Variants in AKAP3 observed in about 807,000 individuals in gnomAD.
The protein encoded by AKAP3 is A-kinase anchoring protein 3.
A neutral mutation model predicts 57.2 loss-of-function variants in AKAP3; 27 were observed. The ratio of observed to expected loss-of-function variants is 0.47; its 90% CI spans 0.35 to 0.65. AKAP3 has a LOEUF of 0.65. Ranked by LOEUF, AKAP3 falls within the 30% of genes least tolerant of loss-of-function variation. AKAP3 has a pLI of 0.01. For synonymous variants in AKAP3, 334 were observed against 392.3 expected (o/e 0.85, Z 1.76); for missense variants, 959 against 1,040.0 (o/e 0.92, Z 1.07).
At chr12:4,633,532 T>G (rs2137440122) in intron 4 of AKAP3, among the ~76,000 whole-genome samples, 1 of 152,116 alleles carries the variant, frequency 6.6e-6, no homozygotes, top group East Asian at 1.9e-4. Context: ...ATCAATGCAG[T>G]CTATAACCAA....
At chr12:4,635,340 G>C (rs2011272) in intron 4 of AKAP3, 40,443 of 528,734 alleles carry the variant, frequency 0.076, 3,375 homozygotes, top group East Asian at 0.29. Context: ...CAAACTGGAG[G>C]TTGAGTTACT....
chr12:4,620,253 A>G (rs888516049), intron 5 of AKAP3, among the ~76,000 whole-genome samples: 10 of 152,092 alleles, frequency 6.6e-5, no homozygotes, highest in African/African-American at 2.2e-4. Flanking sequence ...GCACTTTGGG[A>G]GGCCGAGGCA....
Position 4,626,783 on chromosome 12 carries a change from T to C in AKAP3, c.2119A>G (p.Thr707Ala). The C allele has an allele frequency of 6.2e-7, 1 of 1,611,894 alleles. No homozygotes were observed. The highest frequency in any genetic ancestry group is 8.5e-7 in the Non-Finnish European group (1 of 1,179,882). ...TATAAACTATCTGGGAAGGCCGAAG[T>C]TAGCCTACTGGCATCTCCAGACTTG... ...DDKSGDASRL[T>A]SAFPDSLYEC... Residue 707 changes from threonine to alanine, a missense_variant, in exon 5 of 6, where the codon ACT becomes GCT. Thr to Ala is a moderately conservative substitution (Grantham distance 58). Transcript: ENST00000228850.
At chr12:4,617,028 A>T (rs1189359139) in intron 5 of AKAP3, among the ~76,000 whole-genome samples, 4 of 152,166 alleles carry the variant, frequency 2.6e-5, no homozygotes, top group Non-Finnish European at 5.9e-5. Flanking sequence ...AATTAACTCC[A>T]AGACCTACCA....
intron 5 of AKAP3, 120 bp from the exon 6 acceptor site, chr12:4,616,014 TAA>T: frequency 8.1e-7 from 1 of 1,237,596 alleles, no homozygotes; most frequent in East Asian, 2.4e-5. Context: ...ACACAGACTT[TAA>T]AGTTTGCTGG....
At chr12:4,624,824 G>GTGTGTGTGTGTA (rs143324716) in intron 5 of AKAP3, among the ~76,000 whole-genome samples, 4 of 140,994 alleles carry the variant, frequency 2.8e-5, no homozygotes, top group South Asian at 2.3e-4. Flanking sequence ...GTGTGTGTGT[G>GTGTGTGTGTGTA]TATATAAAAG....
At chr12:4,624,871 A>G (rs2137429889) in intron 5 of AKAP3, among the ~76,000 whole-genome samples, 1 of 87,190 alleles carries the variant, frequency 1.1e-5, no homozygotes, top group South Asian at 3.5e-4. Flanking sequence ...TTTTAGATAC[A>G]TGTTTCAATT....
At chr12:4,620,525 T>C (rs1336859966) in intron 5 of AKAP3, among the ~76,000 whole-genome samples, 1 of 145,554 alleles carries the variant, frequency 6.9e-6, no homozygotes, top group East Asian at 2.0e-4. Context: ...TCATACCTTA[T>C]ATAAAAATGA....
rs1945642010 is a variant in AKAP3 at position 4,641,898 on chromosome 12, CT to C, written c.-1del. 1 of 152,168 alleles carries C rather than the reference CT, an allele frequency of 6.6e-6. No individual in the cohort carries two copies. The highest frequency in any genetic ancestry group is 2.1e-4 in the South Asian group (1 of 4,826). The allele number at this position is 152,168 out of a possible 1,614,324, so 9.4% of individuals were successfully genotyped here. A position where few individuals can be genotyped will look rare whatever the true frequency, so the allele number is the denominator to read the frequency against. On this transcript the variant is annotated splice_region_variant and 5_prime_UTR_variant, in exon 3 of 6. Coordinates refer to ENST00000228850, the MANE Select transcript of AKAP3 (RefSeq NM_001278309.2). ...AGTACAGAAATTATGTGATCACTTA[CT>C]CTTACAGAGGATAGGTTCTGAGATA...
Position 4,626,301 on chromosome 12 carries a change from C to T in AKAP3, c.2406+195G>A, listed in dbSNP as rs1442794395. 2.0e-5 allele frequency among the ~76,000 whole-genome samples: 3 copies of T among 152,212 alleles called. No individual in the cohort carries two copies. The East Asian group carries it at 5.8e-4, about 29-fold the overall frequency. The stretch of plus-strand genomic sequence containing the variant: ...ACATATCATTTATCCCCCTGTTCCC[C>T]TTTGATACGCCTTGGATTGGGCAAA... On this transcript the variant is annotated intron_variant, in intron 5 of 5. Transcript: ENST00000228850.
In AKAP3 at chr12:4,648,788, G is replaced by GA; in HGVS notation, c.-289dup. On this transcript the variant is annotated 5_prime_UTR_variant, in exon 1 of 6. An upstream open reading frame in the 5' UTR loses its in-frame stop. Coordinates refer to ENST00000228850, the MANE Select transcript of AKAP3 (RefSeq NM_001278309.2). ...TTACATTTTCAGGGAACAGGAAACT[G>GA]AGAGTCAGGAAAGGTGAGCTCTTCT... The GA allele has an allele frequency of 3.9e-6, 1 of 256,494 alleles. No individual in the cohort carries two copies. The highest frequency in any genetic ancestry group is 7.4e-6 in the Non-Finnish European group (1 of 134,460). 15.9% of individuals were successfully genotyped at this position (256,494 alleles called of 1,614,324 possible).
In AKAP3 at chr12:4,625,330, T is replaced by C. The variant is rs1945399013; in HGVS notation, c.2406+1166A>G. Among the ~76,000 whole-genome samples the C allele has an allele frequency of 6.6e-6, 1 of 152,118 alleles. No individual in the cohort carries two copies. Among genetic ancestry groups the C allele is most frequent in the African/African-American group, 2.4e-5 (1 of 41,432 alleles). ...CTAAAAAGCTCCCAGGTGATGCCAATGTTGTAGGTCCACAGACTACACTTT... is the reference window on the plus strand; with the variant it reads ...CTAAAAAGCTCCCAGGTGATGCCAACGTTGTAGGTCCACAGACTACACTTT... On this transcript the variant is annotated intron_variant, in intron 5 of 5. Transcript: ENST00000228850. The surrounding 1 kb of genome is among the most constrained non-coding windows in gnomAD (Gnocchi z 5.4).
At chr12:4,636,272 G>A in intron 4 of AKAP3, 1 of 388,510 alleles carries the variant, frequency 2.6e-6, no homozygotes, top group South Asian at 2.6e-5. Flanking sequence ...CGCGGCAAGC[G>A]GAGCTGTGGG....
chr12:4,624,716 T>G, intron 5 of AKAP3, among the ~76,000 whole-genome samples: 1 of 151,098 alleles, frequency 6.6e-6, no homozygotes, highest in East Asian at 1.9e-4. Flanking sequence ...GTCTATTTAT[T>G]AGTTGAAGTT....
rs1565551589 is a variant in AKAP3, at chr12:4,626,881, A to G, written c.2021T>C (p.Met674Thr). Residue 674 changes from methionine (M) to threonine (T), a missense_variant, in exon 5 of 6, where the codon ATG becomes ACG. Met to Thr is a moderately conservative substitution (Grantham distance 81, BLOSUM62 -1). Transcript: ENST00000228850. ...GACACACAGCTTCATCACTGAGTTC[A>G]TCAGATGTTCTACCATCTGCCCACT... ...HMSGQMVEHLMNSVMKLCVII... is the reference protein window; with the variant it reads ...HMSGQMVEHLTNSVMKLCVII... 6.2e-7 allele frequency: 1 copy of G among 1,614,194 alleles called. No homozygotes were observed. Among genetic ancestry groups the G allele is most frequent in the Non-Finnish European group, 8.5e-7 (1 of 1,180,040 alleles).
In AKAP3 at chr12:4,628,103, T is replaced by G; in HGVS notation, c.799A>C (p.Arg267=). 6.2e-7 allele frequency: 1 copy of G among 1,614,138 alleles called. No individual in the cohort carries two copies. The highest frequency in any genetic ancestry group is 8.5e-7 in the Non-Finnish European group (1 of 1,180,018). The change falls in exon 5 of 6, where the codon AGG becomes CGG. Residue 267 remains arginine (R), a synonymous_variant. Transcript: ENST00000228850. ...GGRFFPRERK[R]FRGQERPDDF... is the part of the protein sequence containing the mutation. Reference sequence around the variant, plus strand: ...TCAGGCCTTTCCTGCCCTCGAAACCTCTTTCTCTCCCGAGGAAAGAACCTT... The same window carrying G: ...TCAGGCCTTTCCTGCCCTCGAAACCGCTTTCTCTCCCGAGGAAAGAACCTT...
At chr12:4,644,491 T>C (rs1234759657) in intron 2 of AKAP3, among the ~76,000 whole-genome samples, 1 of 152,188 alleles carries the variant, frequency 6.6e-6, no homozygotes, top group Non-Finnish European at 1.5e-5. Context: ...TCCAAAAGGA[T>C]AGCTGAGGAG....
intron 4 of AKAP3, among the ~76,000 whole-genome samples, chr12:4,633,127 AAAAC>A: frequency 6.6e-6 from 1 of 151,604 alleles, no homozygotes; most frequent in Non-Finnish European, 1.5e-5. Context: ...AAAAAAAAAA[AAAAC>A]AAAAAACCCA....
Position 4,627,349 on chromosome 12 carries a change from T to C in AKAP3, c.1553A>G (p.Tyr518Cys), listed in dbSNP as rs755068981. Reference sequence around the variant, plus strand: ...GTCCTCGGCCCAGGAGTCTGAATCATACATAAAATTCTCAGGTTTCTCTGG... The same window carrying C: ...GTCCTCGGCCCAGGAGTCTGAATCACACATAAAATTCTCAGGTTTCTCTGG... ...YPPEKPENFM[Y>C]DSDSWAEDLI... Residue 518 changes from tyrosine (Y) to cysteine (C), a missense_variant, in exon 5 of 6, where the codon TAT (tyrosine) becomes TGT (cysteine). By Grantham distance (194) the Tyr-to-Cys change is radical. Transcript: ENST00000228850. The C allele has an allele frequency of 5.1e-5, 82 of 1,613,986 alleles. No individual in the cohort carries two copies. The highest frequency in any genetic ancestry group is 6.3e-5 in the Non-Finnish European group (74 of 1,180,024).
Sources: gnomAD v4.1 joint callset for allele counts (sites outside exome capture counted in the v4.1 genomes callset) on GRCh38, gnomAD v4.1.1 for gene constraint, Gnocchi (gnomAD v3.1) non-coding constraint, MANE v1.5 for transcripts, NCBI Gene and HGNC (gene_info 2026-07-23, HGNC 2026-07-21) for gene names.